ZNF362: variants seen among roughly 807,000 people sequenced by gnomAD.
ZNF362 encodes the protein zinc finger protein 362, also known as rotund homolog.
In ZNF362, 11 loss-of-function variants were observed where a neutral mutation model predicts 42.9. The observed-to-expected ratio is 0.26, with a 90% CI of 0.16 to 0.42. The LOEUF (loss-of-function observed/expected upper bound fraction) is 0.42. Ranked by LOEUF, ZNF362 falls within the 20% of genes least tolerant of loss-of-function variation. ZNF362 has a pLI of 1.00. For missense variants in ZNF362, 362 were observed against 576.2 expected (o/e 0.63, Z 3.81); for synonymous variants, 255 against 257.3 (o/e 0.99, Z 0.09).
the ZNF362 span, among the ~76,000 whole-genome samples, chr1:33,154,279 A>G: frequency 1.3e-5 from 2 of 151,864 alleles, no homozygotes; most frequent in African/African-American, 4.8e-5. Context: ...TTCCCTCCCC[A>G]GTCACTGACC....
the ZNF362 span, among the ~76,000 whole-genome samples, chr1:33,213,851 C>T: frequency 6.6e-6 from 1 of 151,610 alleles, no homozygotes; most frequent in Admixed American, 6.6e-5. Context: ...CTCAAAAAAA[C>T]CAAAGCAAAC....
chr1:33,204,679 T>C, the ZNF362 span, among the ~76,000 whole-genome samples: 1 of 152,216 alleles, frequency 6.6e-6, no homozygotes, highest in Non-Finnish European at 1.5e-5. Context: ...GTTTACAGCA[T>C]ACTTCATGGT....
chr1:33,273,848 G>A (rs1035697133), intron 2 of ZNF362, among the ~76,000 whole-genome samples: 2 of 152,198 alleles, frequency 1.3e-5, no homozygotes, highest in Non-Finnish European at 2.9e-5. Context: ...CTAGATAATT[G>A]TATGGGATTG....
chr1:33,154,889 C>G, the ZNF362 span, among the ~76,000 whole-genome samples: 2 of 151,670 alleles, frequency 1.3e-5, no homozygotes, highest in African/African-American at 4.8e-5. Flanking sequence ...GTCAGGAGAT[C>G]GAGACCATCC....
chr1:33,274,061 G>A (rs921928994), intron 2 of ZNF362, among the ~76,000 whole-genome samples: 7 of 152,166 alleles, frequency 4.6e-5, no homozygotes, highest in Non-Finnish European at 7.3e-5. Flanking sequence ...TCCCCCTGTG[G>A]ACAGTAGCAG....
chr1:33,158,179 T>G, the ZNF362 span: 2 of 1,386,354 alleles, frequency 1.4e-6, no homozygotes, highest in Non-Finnish European at 2.0e-6. Context: ...CCCCATGCTG[T>G]GTTTAGGACA....
intron 2 of ZNF362, among the ~76,000 whole-genome samples, chr1:33,272,151 C>G (rs910764831): frequency 6.6e-6 from 1 of 152,136 alleles, no homozygotes; most frequent in African/African-American, 2.4e-5. Flanking sequence ...GTACACAGGC[C>G]TTCTCCAAGG....
upstream of ZNF362, among the ~76,000 whole-genome samples, chr1:33,252,427 C>T (rs893174552): frequency 6.6e-6 from 1 of 152,186 alleles, no homozygotes; most frequent in Non-Finnish European, 1.5e-5. Flanking sequence ...GCCATGGTAA[C>T]TGAGAAGGTC....
chr1:33,252,966 G>A (rs562003836), upstream of ZNF362, among the ~76,000 whole-genome samples: 6 of 152,076 alleles, frequency 3.9e-5, no homozygotes, highest in South Asian at 8.3e-4. Context: ...CCGATGCATC[G>A]TGATGAGTGT....
chr1:33,132,410 C>T, the ZNF362 span, among the ~76,000 whole-genome samples: 15 of 152,354 alleles, frequency 9.8e-5, no homozygotes, highest in Non-Finnish European at 1.5e-4. Context: ...GGCTGTGTTT[C>T]AGTGAAACTT....
At chr1:33,230,544 C>T in the ZNF362 span, among the ~76,000 whole-genome samples, 1 of 152,246 alleles carries the variant, frequency 6.6e-6, no homozygotes, top group South Asian at 2.1e-4. Flanking sequence ...TCACCGAATA[C>T]TTCACATGTG....
At chr1:33,182,315 G>A in the ZNF362 span, among the ~76,000 whole-genome samples, 1 of 152,208 alleles carries the variant, frequency 6.6e-6, no homozygotes, top group Non-Finnish European at 1.5e-5. Context: ...TAAACAAGGA[G>A]CATCTTTCTG....
At chr1:33,168,598 C>G in the ZNF362 span, among the ~76,000 whole-genome samples, 1 of 152,188 alleles carries the variant, frequency 6.6e-6, no homozygotes, top group East Asian at 1.9e-4. Flanking sequence ...AGAAACGCAC[C>G]CCATCTGACT....
chr1:33,193,004 C>CACACACATATATATATATAT, the ZNF362 span, among the ~76,000 whole-genome samples: 26 of 137,278 alleles, frequency 1.9e-4, no homozygotes, highest in East Asian at 6.7e-4. Flanking sequence ...CACACACACA[C>CACACACATATATATATATAT]ATATATATAT....
intron 1 of ZNF362, among the ~76,000 whole-genome samples, chr1:33,258,505 A>AG (rs1228855841): frequency 6.6e-6 from 1 of 152,148 alleles, no homozygotes; most frequent in Non-Finnish European, 1.5e-5. Flanking sequence ...GAGGGTACCA[A>AG]GCCAGGTGGT....
chr1:33,255,116 T>C (rs1379271932), upstream of ZNF362, among the ~76,000 whole-genome samples: 1 of 152,240 alleles, frequency 6.6e-6, no homozygotes, highest in Non-Finnish European at 1.5e-5. Flanking sequence ...CCAGGCACTG[T>C]GCTTGGGGAT....
rs1452577967 is a variant in ZNF362 at position 33,281,207 on chromosome 1, T to C, written c.684-380T>C. Among the ~76,000 whole-genome samples, 1 of 152,124 alleles carries C rather than the reference T, an allele frequency of 6.6e-6. No individual in the cohort carries two copies. The stretch of plus-strand genomic sequence containing the variant: ...GAAAGTATGGAGGGTGGGGCAGGCG[T>C]TGGTATTTCTTAGACGCTCCCCAGA... On this transcript the variant is annotated intron_variant, in intron 5 of 8. Transcript: ENST00000539719. This position sits in a 1 kb window ranked among gnomAD's most constrained non-coding sequence, Gnocchi z 4.8.
intron 2 of ZNF362, among the ~76,000 whole-genome samples, chr1:33,272,655 G>A (rs1214694334): frequency 6.6e-6 from 1 of 152,056 alleles, no homozygotes; most frequent in East Asian, 1.9e-4. Flanking sequence ...CAACCCCCGG[G>A]TGGCTGTTCT....
At chr1:33,269,323 A>G (rs528166044) in intron 1 of ZNF362, among the ~76,000 whole-genome samples, 1 of 152,328 alleles carries the variant, frequency 6.6e-6, no homozygotes, top group Non-Finnish European at 1.5e-5. Flanking sequence ...GAATTTGGAA[A>G]TCAGAGAAAC....
Sources: allele counts gnomAD v4.1 joint callset (sites outside exome capture counted in the v4.1 genomes callset), GRCh38; gene constraint gnomAD v4.1.1; non-coding constraint Gnocchi (gnomAD v3.1); transcripts MANE v1.5; gene names NCBI Gene and HGNC (gene_info 2026-07-23, HGNC 2026-07-21).